SLC7A7: variants seen among roughly 807,000 people sequenced by gnomAD.
SLC7A7 encodes the protein Y+L amino acid transporter 1.
A neutral mutation model predicts 47.9 loss-of-function variants in SLC7A7; 39 were observed. The ratio of observed to expected loss-of-function variants is 0.81; its 90% confidence interval spans 0.63 to 1.06. SLC7A7 has a LOEUF of 1.06. Among genes scored for constraint, SLC7A7 ranks in the 50% least tolerant of loss-of-function variants. The probability of loss-of-function intolerance (pLI) is 0.00; values close to 1 mark genes in which losing one functional copy is unlikely to be tolerated. For missense variants in SLC7A7, 588 were observed against 632.0 expected (o/e 0.93, Z 0.75); for synonymous variants, 234 against 242.8 (o/e 0.96, Z 0.34).
chr14:22,791,054 G>A (rs1269123738), intron 2 of SLC7A7, among the ~76,000 whole-genome samples: 3 of 150,630 alleles, frequency 2.0e-5, no homozygotes, highest in African/African-American at 4.9e-5. Flanking sequence ...AATATTTGTA[G>A]ATAAGAGTTC....
At chr14:22,792,897 A>AGAGAGAGAGAG (rs1555323613) in intron 2 of SLC7A7, among the ~76,000 whole-genome samples, 4 of 61,900 alleles carry the variant, frequency 6.5e-5, no homozygotes, top group Non-Finnish European at 1.7e-4. Flanking sequence ...GAGAGAGAGA[A>AGAGAGAGAGAG]AGGAAAAGAA....
intron 2 of SLC7A7, among the ~76,000 whole-genome samples, chr14:22,797,348 C>A (rs1434860642): frequency 6.6e-6 from 1 of 152,172 alleles, no homozygotes; most frequent in Non-Finnish European, 1.5e-5. Context: ...GAAAAGCAAC[C>A]ATTTCTACTA....
chr14:22,792,353 A>T lies in SLC7A7; in HGVS notation c.500-12302T>A, dbSNP rs537446102. On this transcript the variant is annotated intron_variant, in intron 2 of 9. Coordinates refer to ENST00000674313, the MANE Select transcript of SLC7A7 (RefSeq NM_003982.4). ...CAAGACGTGAGGATCACTTGAGGCC[A>T]GGAGTTGGAGACCAGCCTGGGCAGC... 2.0e-5 allele frequency among the ~76,000 whole-genome samples: 3 copies of T among 152,228 alleles called. No homozygotes were observed. In the South Asian group the frequency reaches 6.2e-4, roughly 32 times the overall value.
At chr14:22,804,493 C>T (rs922213154) in intron 2 of SLC7A7, among the ~76,000 whole-genome samples, 1 of 151,962 alleles carries the variant, frequency 6.6e-6, no homozygotes, top group Non-Finnish European at 1.5e-5. Context: ...CCAGAGTCTA[C>T]AAGGAATTTA....
intron 2 of SLC7A7, among the ~76,000 whole-genome samples, chr14:22,810,688 T>G (rs2039292482): frequency 6.6e-6 from 1 of 151,750 alleles, no homozygotes. Flanking sequence ...ATTTAAGACC[T>G]CAGTGAAGGC....
chr14:22,815,952 C>T (rs202142546), upstream of SLC7A7: 1 of 312,522 alleles, frequency 3.2e-6, no homozygotes, highest in Admixed American at 4.1e-5. Flanking sequence ...TCTAAGAGAA[C>T]TCTGCACACT....
At chr14:22,811,039 C>G (rs1244899440) in intron 2 of SLC7A7, among the ~76,000 whole-genome samples, 1 of 152,138 alleles carries the variant, frequency 6.6e-6, no homozygotes, top group African/African-American at 2.4e-5. Context: ...CCTTCCACCC[C>G]TCCCTGACTG....
upstream of SLC7A7, among the ~76,000 whole-genome samples, chr14:22,818,156 G>C (rs576692492): frequency 1.3e-5 from 2 of 152,288 alleles, no homozygotes; most frequent in East Asian, 3.9e-4. Context: ...AGGGAAAACT[G>C]TGAGGGGGAA....
intron 2 of SLC7A7, among the ~76,000 whole-genome samples, chr14:22,811,619 G>A (rs2039306237): frequency 6.6e-6 from 1 of 152,186 alleles, no homozygotes; most frequent in African/African-American, 2.4e-5. Flanking sequence ...GGAAGCCAAG[G>A]CAGGTAGATC....
At chr14:22,774,154 A>G (rs754949338) in intron 8 of SLC7A7, 38 bp from the exon 9 acceptor site, 9 of 1,611,414 alleles carry the variant, frequency 5.6e-6, no homozygotes, top group South Asian at 4.4e-5. Flanking sequence ...TGGACAACTC[A>G]GGATTCTTAA....
At chr14:22,806,187 C>CTT (rs77783824) in intron 2 of SLC7A7, among the ~76,000 whole-genome samples, 5,185 of 78,262 alleles carry the variant, frequency 0.066, 1,042 homozygotes, top group Non-Finnish European at 0.087. Flanking sequence ...ACATCAATCT[C>CTT]TTTTTTTTTT....
At chr14:22,782,587 G>A (rs539154663) in intron 2 of SLC7A7, among the ~76,000 whole-genome samples, 3 of 151,174 alleles carry the variant, frequency 2.0e-5, no homozygotes, top group Admixed American at 6.6e-5. Context: ...TCAGCCTCCC[G>A]AGTAGCTGGG....
intron 2 of SLC7A7, among the ~76,000 whole-genome samples, chr14:22,792,947 C>T (rs1278519025): frequency 1.4e-4 from 21 of 149,542 alleles, no homozygotes; most frequent in African/African-American, 4.9e-4. Flanking sequence ...GACAGAGTCT[C>T]GCTCTGTCGC....
At chr14:22,808,882 G>A (rs1394298329) in intron 2 of SLC7A7, among the ~76,000 whole-genome samples, 1 of 152,178 alleles carries the variant, frequency 6.6e-6, no homozygotes, top group East Asian at 1.9e-4. Flanking sequence ...GACTATAAGT[G>A]ACCAAGAAAG....
intron 2 of SLC7A7, among the ~76,000 whole-genome samples, chr14:22,812,307 C>G (rs1280905715): frequency 6.6e-6 from 1 of 151,960 alleles, no homozygotes; most frequent in East Asian, 1.9e-4. Context: ...GCTGGGATTA[C>G]AGGCACCTGC....
chr14:22,800,205 A>G (rs1004245251), intron 2 of SLC7A7, among the ~76,000 whole-genome samples: 1 of 152,194 alleles, frequency 6.6e-6, no homozygotes, highest in Non-Finnish European at 1.5e-5. Flanking sequence ...TCTAAATCAC[A>G]AATGCCACTC....
intron 9 of SLC7A7, 83 bp from the exon 10 acceptor site, chr14:22,773,799 G>A (rs1031582392): frequency 6.6e-7 from 1 of 1,526,328 alleles, no homozygotes; most frequent in Non-Finnish European, 9.1e-7. Flanking sequence ...TCAGTGTGAG[G>A]GGAGTGATTC....
intron 7 of SLC7A7, among the ~76,000 whole-genome samples, chr14:22,775,098 C>CAA (rs1000087617): frequency 6.6e-6 from 1 of 151,504 alleles, no homozygotes; most frequent in Non-Finnish European, 1.5e-5. Flanking sequence ...TTAAGACACA[C>CAA]ACACACACTT....
At chr14:22,815,163 A>G (rs2039386260) in intron 1 of SLC7A7, 157 bp downstream of exon 1, 5 of 357,758 alleles carry the variant, frequency 1.4e-5, no homozygotes, top group Admixed American at 1.1e-4. Context: ...ACCGAACAGG[A>G]GACAGCTGAG....
Sources: gnomAD v4.1 joint callset for allele counts (sites outside exome capture counted in the v4.1 genomes callset) on GRCh38, gnomAD v4.1.1 for gene constraint, MANE v1.5 for transcripts, NCBI Gene and HGNC (gene_info 2026-07-23, HGNC 2026-07-21) for gene names.